EIF3H: variants seen among roughly 807,000 people sequenced by gnomAD.
EIF3H encodes the protein eukaryotic translation initiation factor 3 subunit H, also known as eIF-3-gamma.
A neutral mutation model predicts 44.2 loss-of-function variants in EIF3H; 26 were observed. The ratio of observed to expected loss-of-function variants is 0.59; its 90% CI spans 0.43 to 0.82. The LOEUF (loss-of-function observed/expected upper bound fraction) is 0.82. EIF3H is among the 40% of genes least tolerant of loss of function. The pLI is 0.00. For missense variants in EIF3H, 359 were observed against 432.8 expected (o/e 0.83, Z 1.51); for synonymous variants, 166 against 151.9 (o/e 1.09, Z -0.68).
At chr8:116,692,886 G>T (rs1156847411) in intron 2 of EIF3H, among the ~76,000 whole-genome samples, 1 of 151,984 alleles carries the variant, frequency 6.6e-6, no homozygotes, top group Non-Finnish European at 1.5e-5. Context: ...CTTCTAACTG[G>T]CACAAAGCTT....
chr8:116,760,051 A>C (rs927296711), upstream of EIF3H, among the ~76,000 whole-genome samples: 1 of 152,216 alleles, frequency 6.6e-6, no homozygotes, highest in African/African-American at 2.4e-5. Flanking sequence ...AATTATTTTA[A>C]ACAAGAGGGA....
chr8:116,657,074 A>C (rs1813503087), intron 4 of EIF3H, 141 bp downstream of exon 4: 1 of 701,206 alleles, frequency 1.4e-6, no homozygotes, highest in East Asian at 2.7e-5. Context: ...GAGAGCAAGC[A>C]GCACTCGGCA....
intron 2 of EIF3H, among the ~76,000 whole-genome samples, chr8:116,714,270 G>C (rs982616577): frequency 7.9e-5 from 12 of 152,032 alleles, no homozygotes; most frequent in Non-Finnish European, 1.3e-4. Flanking sequence ...AATTGCAACT[G>C]ACATCTATCT....
rs1371213568 is a variant in EIF3H at position 116,655,992 on chromosome 8, T to C, written c.571A>G (p.Asn191Asp). 1 of 1,613,422 alleles carries C rather than the reference T, an allele frequency of 6.2e-7. No homozygotes were observed. The highest frequency in any genetic ancestry group is 1.7e-5 in the Admixed American group (1 of 59,942). The change falls in exon 5 of 8, where the codon AAT becomes GAT. Residue 191 changes from asparagine to aspartate, a missense_variant. Asn to Asp is a conservative substitution (Grantham distance 23, BLOSUM62 1). Coordinates refer to ENST00000521861, the MANE Select transcript of EIF3H (RefSeq NM_003756.3). The stretch of plus-strand genomic sequence containing the variant: ...TCAAACATGTACTCAAAGGTGATAT[T>C]TGCTTTTTTCAATCTGTGAAGCATG... ...DFSPEALKKA[N>D]ITFEYMFEEV...
chr8:116,658,116 T>G (rs376604635), intron 3 of EIF3H: 1 of 152,360 alleles, frequency 6.6e-6, no homozygotes, highest in Non-Finnish European at 1.5e-5. Flanking sequence ...ACTTGTTCTT[T>G]ACTGTAATCC....
intron 2 of EIF3H, among the ~76,000 whole-genome samples, chr8:116,696,685 TA>T (rs1323667840): frequency 6.6e-6 from 1 of 152,206 alleles, no homozygotes; most frequent in East Asian, 1.9e-4. Flanking sequence ...TCAGAATACT[TA>T]CAAAATAGTG....
chr8:116,655,235 G>T (rs1362440419), intron 5 of EIF3H, among the ~76,000 whole-genome samples: 1 of 151,134 alleles, frequency 6.6e-6, no homozygotes, highest in Non-Finnish European at 1.5e-5. Context: ...CTTCCTTTTG[G>T]AAACCTCAAT....
chr8:116,744,654 C>T (rs568928216), intron 1 of EIF3H, among the ~76,000 whole-genome samples: 4 of 152,132 alleles, frequency 2.6e-5, no homozygotes, highest in Non-Finnish European at 4.4e-5. Context: ...TTACAAAAAA[C>T]GAAGCCATAT....
chr8:116,694,438 C>T (rs1814232870), intron 2 of EIF3H, among the ~76,000 whole-genome samples: 2 of 152,088 alleles, frequency 1.3e-5, no homozygotes, highest in African/African-American at 2.4e-5. Context: ...CCTGCTGTGG[C>T]CACTGGTCTG....
chr8:116,646,721 T>C lies in EIF3H; in HGVS notation c.829-118A>G, dbSNP rs1006222279. 165 of 1,358,528 alleles carry C rather than the reference T, an allele frequency of 1.2e-4. 1 individual carries two copies. Among genetic ancestry groups the C allele is most frequent in the Non-Finnish European group, 1.6e-5 (16 of 997,406 alleles). The allele number at this position is 1,358,528 out of a possible 1,614,324, so 84.2% of individuals were successfully genotyped here. ...TGCTCTGAATTCCAACCTCAGTTTT[T>C]ATCATTGGCAACATTTGGTAACTTG... On this transcript the variant is annotated intron_variant, in intron 6 of 7. Coordinates refer to ENST00000521861, the MANE Select transcript of EIF3H (RefSeq NM_003756.3).
At chr8:116,663,930 C>CAA (rs779193805) in intron 2 of EIF3H, among the ~76,000 whole-genome samples, 5,591 of 75,952 alleles carry the variant, frequency 0.074, 252 homozygotes, top group Admixed American at 0.18. Flanking sequence ...GACTCAGTCT[C>CAA]AAAAAAAAAA....
chr8:116,669,776 G>C (rs545195542), intron 2 of EIF3H, among the ~76,000 whole-genome samples: 2 of 152,142 alleles, frequency 1.3e-5, no homozygotes, highest in Non-Finnish European at 2.9e-5. Flanking sequence ...GAAAGTGACA[G>C]CAGTTATAGA....
chr8:116,686,120 T>C (rs1276703198), intron 2 of EIF3H, among the ~76,000 whole-genome samples: 2 of 152,140 alleles, frequency 1.3e-5, no homozygotes, highest in African/African-American at 2.4e-5. Flanking sequence ...TTATTAAACA[T>C]AGGAAGTCAT....
chr8:116,754,455 T>C (rs1349865054), intron 1 of EIF3H, among the ~76,000 whole-genome samples: 1 of 152,154 alleles, frequency 6.6e-6, no homozygotes, highest in Non-Finnish European at 1.5e-5. Flanking sequence ...AACAAAACAT[T>C]CCAAAGTTAA....
At position 116,734,351 on chromosome 8, in the gene EIF3H, A is replaced by G. The variant is rs1034674352; in HGVS notation, c.133-8179T>C. ...TGAAGAACAAGCCATCAGCCCTATG[A>G]AAACTTGGGAGAAGAGAATACTTGA... On this transcript the variant is annotated intron_variant, in intron 1 of 7. Transcript: ENST00000521861. 6.6e-6 allele frequency: 3 copies of G among 455,966 alleles called. No homozygotes were observed. In the Admixed American group the frequency reaches 7.1e-5, roughly 11 times the overall value. 28.2% of individuals were successfully genotyped at this position (455,966 alleles called of 1,614,324 possible).
chr8:116,685,486 T>G (rs1326268051), intron 2 of EIF3H, among the ~76,000 whole-genome samples: 2 of 152,218 alleles, frequency 1.3e-5, no homozygotes, highest in Non-Finnish European at 2.9e-5. Flanking sequence ...AATAGACTGC[T>G]TCTCCCATAT....
chr8:116,712,846 GTAATTATAAT>G (rs1302166875), intron 2 of EIF3H, among the ~76,000 whole-genome samples: 1 of 151,930 alleles, frequency 6.6e-6, no homozygotes, highest in Non-Finnish European at 1.5e-5. Context: ...AACATCAAAT[GTAATTATAAT>G]TAATTATCGA....
intron 1 of EIF3H, among the ~76,000 whole-genome samples, chr8:116,752,739 A>AAGAAAGAAG (rs1815372834): frequency 8.8e-6 from 1 of 113,114 alleles, no homozygotes; most frequent in African/African-American, 3.3e-5. Context: ...AAAGAAGAGA[A>AAGAAAGAAG]AGAAAGAAAG....
At chr8:116,730,357 G>C (rs1237201384) in intron 1 of EIF3H, among the ~76,000 whole-genome samples, 1 of 152,152 alleles carries the variant, frequency 6.6e-6, no homozygotes, top group Non-Finnish European at 1.5e-5. Context: ...GCACATACAA[G>C]GGAGCTAGGT....
Sources: allele counts gnomAD v4.1 joint callset (sites outside exome capture counted in the v4.1 genomes callset), GRCh38; gene constraint gnomAD v4.1.1; transcripts MANE v1.5; gene names NCBI Gene and HGNC (gene_info 2026-07-23, HGNC 2026-07-21).